The following GLI3 variants were observed in gnomAD, a reference collection of about 807,000 sequenced individuals.
GLI3 encodes the protein transcription activator GLI3.
Under a neutral mutation model 100.8 loss-of-function variants are expected in GLI3, and 20 were observed. The observed-to-expected ratio is 0.20, with a 90% CI of 0.14 to 0.29. The LOEUF (loss-of-function observed/expected upper bound fraction) is 0.29, where lower values mean the gene tolerates loss of function less well. GLI3 is among the 10% of genes least tolerant of loss of function. The pLI, the probability that GLI3 is intolerant of heterozygous loss-of-function variation, is 1.00. For missense variants in GLI3, 2,040 were observed against 2,128.5 expected (o/e 0.96, Z 0.82); for synonymous variants, 938 against 860.5 (o/e 1.09, Z -1.58).
chr7:42,054,876 T>C (rs2128744741), intron 4 of GLI3, among the ~76,000 whole-genome samples: 1 of 151,702 alleles, frequency 6.6e-6, no homozygotes, highest in East Asian at 1.9e-4. Context: ...ACAGTCCCAG[T>C]CCCAGCTACT....
chr7:42,242,102 C>G (rs1472169661), upstream of GLI3, among the ~76,000 whole-genome samples: 1 of 152,178 alleles, frequency 6.6e-6, no homozygotes, highest in Non-Finnish European at 1.5e-5. Context: ...TGAGGCCTCT[C>G]CACTACCTTC....
intron 11 of GLI3, 100 bp from the exon 12 acceptor site, chr7:41,977,822 T>C (rs1334881758): frequency 6.4e-6 from 7 of 1,090,016 alleles, no homozygotes; most frequent in Non-Finnish European, 9.9e-6. Flanking sequence ...GTTTCAAGGG[T>C]CAGCAGCTTT....
At chr7:42,114,345 T>C (rs1241247501) in intron 3 of GLI3, among the ~76,000 whole-genome samples, 1 of 152,200 alleles carries the variant, frequency 6.6e-6, no homozygotes, top group East Asian at 1.9e-4. Flanking sequence ...AAAGTTGTTG[T>C]ATACTGTTAA....
intron 3 of GLI3, among the ~76,000 whole-genome samples, chr7:42,116,553 AC>A (rs1457172847): frequency 2.0e-5 from 3 of 152,106 alleles, no homozygotes; most frequent in Admixed American, 6.5e-5. Flanking sequence ...TCTGTTTTCA[AC>A]CCATTCGTAA....
At chr7:42,122,882 T>C (rs566480313) in intron 3 of GLI3, among the ~76,000 whole-genome samples, 2 of 152,262 alleles carry the variant, frequency 1.3e-5, no homozygotes, top group Non-Finnish European at 2.9e-5. Flanking sequence ...GAATGCAGAA[T>C]ATTTTTACTA....
intron 4 of GLI3, among the ~76,000 whole-genome samples, chr7:42,059,219 T>G (rs2128746357): frequency 6.6e-6 from 1 of 152,194 alleles, no homozygotes; most frequent in South Asian, 2.1e-4. Flanking sequence ...GAATACACAT[T>G]ATATATTAAA....
chr7:42,210,075 C>T (rs2128696693), intron 2 of GLI3, among the ~76,000 whole-genome samples: 1 of 146,800 alleles, frequency 6.8e-6, no homozygotes, highest in Admixed American at 6.9e-5. Flanking sequence ...TTCACCCATT[C>T]TCAGATGCCT....
intron 13 of GLI3, among the ~76,000 whole-genome samples, chr7:41,968,763 G>GAAGGAAAGAAA: frequency 1.8e-5 from 1 of 56,746 alleles, no homozygotes; most frequent in East Asian, 6.1e-4. Flanking sequence ...AAAGAAAGAA[G>GAAGGAAAGAAA]GAAAGAAAGA....
Position 42,026,180 on chromosome 7 carries a change from A to G in GLI3, c.1242+19T>C, listed in dbSNP as rs1242358217. On this transcript the variant is annotated intron_variant, in intron 8 of 14. Transcript: ENST00000395925. The stretch of plus-strand genomic sequence containing the variant: ...TCGGCTGACCAGCACGGCCGGGTGC[A>G]TCGACCTGTCCCTCTCACCTGTGAG... The G allele has an allele frequency of 6.3e-7, 1 of 1,590,382 alleles. No homozygotes were observed. The highest frequency in any genetic ancestry group is 1.1e-5 in the South Asian group (1 of 89,318).
chr7:42,112,105 T>C (rs1396407345), intron 3 of GLI3, among the ~76,000 whole-genome samples: 1 of 152,216 alleles, frequency 6.6e-6, no homozygotes, highest in Non-Finnish European at 1.5e-5. Context: ...TACCCCACTA[T>C]TCACTGCATG....
chr7:42,102,257 T>C (rs1456869754), intron 3 of GLI3, among the ~76,000 whole-genome samples: 1 of 152,116 alleles, frequency 6.6e-6, no homozygotes. Flanking sequence ...TGAGGAATCA[T>C]TTTTTTAAAA....
intron 1 of GLI3, among the ~76,000 whole-genome samples, chr7:42,231,003 G>A (rs1009511162): frequency 3.3e-5 from 5 of 152,110 alleles, no homozygotes; most frequent in South Asian, 2.1e-4. Context: ...CCCTTGTCTC[G>A]CTTCCCTGAG....
intron 6 of GLI3, among the ~76,000 whole-genome samples, chr7:42,041,140 T>C (rs569312362): frequency 2.6e-5 from 4 of 152,330 alleles, no homozygotes; most frequent in Non-Finnish European, 5.9e-5. Context: ...AATGAACCTA[T>C]AGGGCATTTT....
At chr7:42,021,425 G>A (rs1276511494) in intron 10 of GLI3, among the ~76,000 whole-genome samples, 1 of 152,130 alleles carries the variant, frequency 6.6e-6, no homozygotes, top group Admixed American at 6.5e-5. Context: ...GTAGTTTTAA[G>A]CAGCCTTCCT....
chr7:42,205,900 C>T (rs17172023), intron 2 of GLI3, among the ~76,000 whole-genome samples: 20,944 of 152,054 alleles, frequency 0.14, 1,842 homozygotes, highest in East Asian at 0.2. Flanking sequence ...CACAGAAAAA[C>T]GACTAAGATT....
At chr7:42,259,331 C>T (rs1430512014) in intron 1 of GLI3, among the ~76,000 whole-genome samples, 1 of 152,160 alleles carries the variant, frequency 6.6e-6, no homozygotes, top group Non-Finnish European at 1.5e-5. Context: ...TGCTTTTCTT[C>T]ATCAGTAAAT....
chr7:41,973,537 A>G (rs1368683595), intron 12 of GLI3, among the ~76,000 whole-genome samples: 2 of 152,252 alleles, frequency 1.3e-5, no homozygotes, highest in Non-Finnish European at 2.9e-5. Flanking sequence ...CTCATGACCA[A>G]CATCGGATTT....
chr7:42,039,659 T>C (rs1012130348), intron 7 of GLI3, among the ~76,000 whole-genome samples: 6 of 152,242 alleles, frequency 3.9e-5, no homozygotes, highest in African/African-American at 1.2e-4. Context: ...TTTTTATTTT[T>C]GTTCATGTTC....
chr7:42,189,826 TG>T (rs1451050594), intron 2 of GLI3, among the ~76,000 whole-genome samples: 14 of 152,224 alleles, frequency 9.2e-5, no homozygotes, highest in Non-Finnish European at 1.6e-4. Context: ...TTTCCTTTCT[TG>T]GATTATAAGA....
Sources: gnomAD v4.1 joint callset for allele counts (sites outside exome capture counted in the v4.1 genomes callset) on GRCh38, gnomAD v4.1.1 for gene constraint, MANE v1.5 for transcripts, NCBI Gene and HGNC (gene_info 2026-07-23, HGNC 2026-07-21) for gene names.